The following SPEF2 variants were observed in gnomAD, a reference collection of about 807,000 sequenced individuals.
SPEF2 encodes the protein sperm flagellar and cilia associated 2, also known as sperm flagella and cilia-associated protein 2.
SPEF2 carries 187 observed loss-of-function variants against 224.6 expected under a neutral mutation model. The ratio of observed to expected loss-of-function variants is 0.83; its 90% confidence interval spans 0.74 to 0.94. The LOEUF (loss-of-function observed/expected upper bound fraction) is 0.94. Among genes scored for constraint, SPEF2 ranks in the 40% least tolerant of loss-of-function variants. The pLI, the probability that SPEF2 is intolerant of heterozygous loss-of-function variation, is 0.00. For missense variants in SPEF2, 2,170 were observed against 2,135.6 expected (o/e 1.02, Z -0.32); for synonymous variants, 715 against 707.3 (o/e 1.01, Z -0.17).
chr5:35,784,629 G>A (rs1483693955), intron 30 of SPEF2, among the ~76,000 whole-genome samples: 1 of 152,192 alleles, frequency 6.6e-6, no homozygotes, highest in African/African-American at 2.4e-5. Flanking sequence ...AGAAAAGCAG[G>A]GGAAGGGTAT....
intron 11 of SPEF2, among the ~76,000 whole-genome samples, chr5:35,691,583 G>A (rs1440299725): frequency 6.6e-6 from 1 of 152,146 alleles, no homozygotes; most frequent in Admixed American, 6.6e-5. Context: ...GGAATTATTG[G>A]ATGCCAGAGT....
chr5:35,691,188 C>T lies in SPEF2; in HGVS notation c.1676C>T (p.Ala559Val). 6.2e-7 allele frequency: 1 copy of T among 1,614,018 alleles called. No individual in the cohort carries two copies. ...ESTTPELPSF[A>V]VKGCLLGKTL... is the part of the protein sequence containing the mutation. ...ACAACACCTGAATTACCTTCATTTG[C>T]TGTTAAAGGATGCTTATTGGGGAAA... The change falls in exon 11 of 37, where the codon GCT (alanine) becomes GTT (valine). Residue 559 changes from alanine (A) to valine (V), a missense_variant. Physicochemically the swap from Ala to Val is moderately conservative, Grantham distance 64. Coordinates refer to ENST00000356031, the MANE Select transcript of SPEF2 (RefSeq NM_024867.4).
At chr5:35,670,850 A>G in intron 10 of SPEF2, 2 of 983,938 alleles carry the variant, frequency 2.0e-6, no homozygotes, top group South Asian at 4.7e-5. Context: ...CCATTTTTCA[A>G]TTAATGGAAA....
intron 20 of SPEF2, among the ~76,000 whole-genome samples, chr5:35,720,374 T>C (rs1381794989): frequency 6.6e-6 from 1 of 152,258 alleles, no homozygotes; most frequent in Non-Finnish European, 1.5e-5. Flanking sequence ...ATTTAGTTCT[T>C]GCTTCACTTG....
chr5:35,760,276 T>C (rs1751057844), intron 25 of SPEF2, among the ~76,000 whole-genome samples: 1 of 150,562 alleles, frequency 6.6e-6, no homozygotes, highest in Non-Finnish European at 1.5e-5. Flanking sequence ...GGCAGGAGAA[T>C]GGCATGAACC....
intron 26 of SPEF2, chr5:35,764,685 A>C (rs1348143461): frequency 4.4e-6 from 2 of 456,240 alleles, no homozygotes; most frequent in Admixed American, 4.7e-5. Flanking sequence ...CTTGCAGCAC[A>C]GATCTCACAG....
Position 35,751,066 on chromosome 5 carries a change from T to TATATATAC in SPEF2, c.3331-2558_3331-2557insATATATAC, listed in dbSNP as rs70973059. Among the ~76,000 whole-genome samples the TATATATAC allele has an allele frequency of 1.2e-4, 4 of 32,538 alleles. 1 individual carries two copies. The highest frequency in any genetic ancestry group is 8.0e-4 in the East Asian group (1 of 1,252). 21.3% of individuals were successfully genotyped at this position (32,538 alleles called of 152,430 possible). On this transcript the variant is annotated intron_variant, in intron 23 of 36. Coordinates refer to ENST00000356031, the MANE Select transcript of SPEF2 (RefSeq NM_024867.4). Reference sequence around the variant, plus strand: ...ATGTATATATATATACGTATATATATGTATATATATATACACACACACACA... The same window carrying TATATATAC: ...ATGTATATATATATACGTATATATATATATATACGTATATATATATACACACACACACA...
chr5:35,711,800 A>G (rs937000682), intron 19 of SPEF2, among the ~76,000 whole-genome samples: 15 of 152,120 alleles, frequency 9.9e-5, no homozygotes, highest in African/African-American at 3.6e-4. Flanking sequence ...ATACATTCTT[A>G]TAACTATCAC....
rs183897605 is a variant in SPEF2, at chr5:35,760,495, T to C, written c.3620+776T>C. On this transcript the variant is annotated intron_variant, in intron 25 of 36. Coordinates refer to ENST00000356031, the MANE Select transcript of SPEF2 (RefSeq NM_024867.4). Reference sequence around the variant, plus strand: ...TTTGAGTCTTTTACTGATAAAGACATTGAGAAACAGTAAAGTCTCAGTAGT... The same window carrying C: ...TTTGAGTCTTTTACTGATAAAGACACTGAGAAACAGTAAAGTCTCAGTAGT... 1.5e-3 allele frequency among the ~76,000 whole-genome samples: 234 copies of C among 152,264 alleles called. 1 individual carries two copies. Among genetic ancestry groups the C allele is most frequent in the African/African-American group, 5.3e-3 (222 of 41,554 alleles).
Position 35,677,403 on chromosome 5 carries a change from A to T in SPEF2, c.1524+7176A>T, listed in dbSNP as rs142332656. 5.9e-5 allele frequency among the ~76,000 whole-genome samples: 9 copies of T among 152,342 alleles called. No individual in the cohort carries two copies. The East Asian group carries it at 1.5e-3, about 26-fold the overall frequency. ...TGATAAGGATAGCCACCACCATCAG[A>T]ATTGTTTGGTGGCCCCAGAACAGGG... On this transcript the variant is annotated intron_variant, in intron 10 of 36. Transcript: ENST00000356031.
At chr5:35,710,595 T>A in intron 19 of SPEF2, 1 of 985,078 alleles carries the variant, frequency 1.0e-6, no homozygotes, top group Non-Finnish European at 1.2e-6. Context: ...GAAGACAGTT[T>A]TCACAGTGGG....
Position 35,654,215 on chromosome 5 carries a change from C to T in SPEF2, c.792-325C>T, listed in dbSNP as rs146266324. 3.7e-3 allele frequency among the ~76,000 whole-genome samples: 566 copies of T among 151,032 alleles called. 2 individuals carry two copies. The highest frequency in any genetic ancestry group is 7.9e-3 in the African/African-American group (323 of 41,104). On this transcript the variant is annotated intron_variant, in intron 6 of 36. Coordinates refer to ENST00000356031, the MANE Select transcript of SPEF2 (RefSeq NM_024867.4). ...GCGGAGGTTGCAGTGAGCCAAGATGCGCCATTGCACTCCAGCCTGGGCAAC... is the reference window on the plus strand; with the variant it reads ...GCGGAGGTTGCAGTGAGCCAAGATGTGCCATTGCACTCCAGCCTGGGCAAC...
chr5:35,654,478 C>A, intron 6 of SPEF2, 62 bp from the exon 7 acceptor site: 1 of 1,355,242 alleles, frequency 7.4e-7, no homozygotes, highest in Non-Finnish European at 9.8e-7. Context: ...TCCATAGTCA[C>A]AGATAGTGGC....
intron 23 of SPEF2, among the ~76,000 whole-genome samples, chr5:35,751,034 T>TATATACAC (rs1189645005): frequency 3.2e-5 from 3 of 93,546 alleles, no homozygotes; most frequent in Non-Finnish European, 2.1e-5. Flanking sequence ...CGTATATATA[T>TATATACAC]ACACATATGT....
At chr5:35,786,227 A>G (rs1453890538) in intron 30 of SPEF2, among the ~76,000 whole-genome samples, 1 of 152,242 alleles carries the variant, frequency 6.6e-6, no homozygotes, top group East Asian at 1.9e-4. Context: ...AAGATTGACA[A>G]GTAGCCCAAT....
intron 25 of SPEF2, 99 bp downstream of exon 25, chr5:35,759,818 C>A: frequency 4.2e-6 from 5 of 1,183,170 alleles, no homozygotes; most frequent in Non-Finnish European, 5.7e-6. Context: ...CCTTTATCTG[C>A]AAATCTAAGA....
At chr5:35,700,941 G>A (rs934804013) in intron 16 of SPEF2, among the ~76,000 whole-genome samples, 189 bp downstream of exon 16, 5 of 152,174 alleles carry the variant, frequency 3.3e-5, no homozygotes, top group African/African-American at 9.7e-5. Flanking sequence ...GGGCAAAGCC[G>A]GGAACTAGTG....
chr5:35,624,105 T>G (rs571226365), intron 1 of SPEF2, among the ~76,000 whole-genome samples: 1 of 152,320 alleles, frequency 6.6e-6, no homozygotes, highest in Admixed American at 6.5e-5. Context: ...TTCCTCCAGC[T>G]GGCTAAGGGC....
chr5:35,798,822 T>C (rs1437206338), intron 33 of SPEF2, among the ~76,000 whole-genome samples: 1 of 152,040 alleles, frequency 6.6e-6, no homozygotes, highest in Non-Finnish European at 1.5e-5. Flanking sequence ...TCCAACTCTG[T>C]TGGAGTTGGA....
Sources: allele counts gnomAD v4.1 joint callset (sites outside exome capture counted in the v4.1 genomes callset), GRCh38; gene constraint gnomAD v4.1.1; transcripts MANE v1.5; gene names NCBI Gene and HGNC (gene_info 2026-07-23, HGNC 2026-07-21).